EMSY: variants seen among roughly 807,000 people sequenced by gnomAD.
EMSY encodes BRCA2-interacting transcriptional repressor EMSY.
In EMSY, 26 loss-of-function variants were observed where a neutral mutation model predicts 134.6. That is an observed-to-expected ratio of 0.19 (90% CI 0.14 to 0.27). The LOEUF (loss-of-function observed/expected upper bound fraction) is 0.27. Among genes scored for constraint, EMSY ranks in the 10% least tolerant of loss-of-function variants. The pLI is 1.00. For missense variants in EMSY, 1,305 were observed against 1,611.4 expected (o/e 0.81, Z 3.26); for synonymous variants, 579 against 577.8 (o/e 1.00, Z -0.03).
intron 11 of EMSY, 30 bp downstream of exon 12, chr11:76,516,342 T>G (rs755699484): frequency 2.5e-5 from 37 of 1,481,988 alleles, no homozygotes; most frequent in Non-Finnish European, 3.3e-5. Context: ...GTTAAAGGTA[T>G]AGGTGGCCTT....
chr11:76,537,828 C>T, exon 16 of EMSY: 1 of 1,609,534 alleles, frequency 6.2e-7, no homozygotes, highest in Non-Finnish European at 8.5e-7. Context: ...CCAAGACAAC[C>T]CACTATTGAC....
chr11:76,472,983 GAATGT>G (rs1325326633), intron 8 of EMSY, 143 bp downstream of exon 9: 6 of 809,526 alleles, frequency 7.4e-6, no homozygotes, highest in Admixed American at 2.8e-5. Context: ...CCCAGTTTGA[GAATGT>G]CAAGATGGTC....
intron 14 of EMSY, among the ~76,000 whole-genome samples, chr11:76,530,795 G>T (rs977525993): frequency 2.0e-5 from 3 of 152,142 alleles, no homozygotes; most frequent in African/African-American, 7.2e-5. Flanking sequence ...TAAGATGTTG[G>T]TTGGTCTCAG....
chr11:76,514,803 C>T (rs1347665598), intron 10 of EMSY, among the ~76,000 whole-genome samples: 1 of 152,142 alleles, frequency 6.6e-6, no homozygotes, highest in Non-Finnish European at 1.5e-5. Flanking sequence ...TGTCTCTATG[C>T]AAAGCCTGTG....
At chr11:76,464,616 C>T (rs1355717637) in intron 7 of EMSY, among the ~76,000 whole-genome samples, 2 of 152,202 alleles carry the variant, frequency 1.3e-5, no homozygotes, top group Non-Finnish European at 2.9e-5. Context: ...ACCCCTCTGT[C>T]TTCCCACACT....
At chr11:76,516,239 T>C (rs992811569) in exon 11 of EMSY, 1 of 1,613,410 alleles carries the variant, frequency 6.2e-7, no homozygotes, top group Non-Finnish European at 8.5e-7. Flanking sequence ...CTACGAGTGG[T>C]AGCATCATTA....
chr11:76,474,479 G>A (rs1453121908), intron 8 of EMSY, among the ~76,000 whole-genome samples: 1 of 152,176 alleles, frequency 6.6e-6, no homozygotes, highest in African/African-American at 2.4e-5. Context: ...TAGGAAAACA[G>A]TGTCTTGATT....
At chr11:76,519,344 C>T (rs930807141) in intron 11 of EMSY, among the ~76,000 whole-genome samples, 24 of 152,110 alleles carry the variant, frequency 1.6e-4, no homozygotes, top group African/African-American at 4.6e-4. Flanking sequence ...GTATTATAGG[C>T]GTCAGTTACT....
intron 8 of EMSY, among the ~76,000 whole-genome samples, chr11:76,481,316 T>A (rs1481266832): frequency 2.6e-5 from 4 of 152,158 alleles, no homozygotes; most frequent in Non-Finnish European, 5.9e-5. Context: ...GTGCTGGTAT[T>A]ACAGGCATGA....
Position 76,546,189 on chromosome 11 carries a change from G to A in EMSY, c.3666G>A (p.Thr1222=), listed in dbSNP as rs748676552. Residue 1222 remains threonine (T), a synonymous_variant, in exon 20 of 21, where the codon ACG becomes ACA. Transcript: ENST00000334736. ...CATCCACTGTTGGCTCTTCCCTAACGACAAGGAAAATTGATCCACCAGCAG... is the reference window on the plus strand; with the variant it reads ...CATCCACTGTTGGCTCTTCCCTAACAACAAGGAAAATTGATCCACCAGCAG... 6.3e-5 allele frequency: 102 copies of A among 1,613,996 alleles called. 1 individual carries two copies. The highest frequency in any genetic ancestry group is 2.3e-4 in the South Asian group (21 of 91,080).
chr11:76,447,088 G>T, intron 2 of EMSY, 80 bp downstream of exon 2: 2 of 1,329,318 alleles, frequency 1.5e-6, no homozygotes, highest in Non-Finnish European at 2.1e-6. Context: ...TGTTTGCATG[G>T]ATGTCATATC....
exon 21 of EMSY, chr11:76,551,068 G>A (rs1420478782): frequency 6.5e-6 from 1 of 152,708 alleles, no homozygotes; most frequent in Non-Finnish European, 1.5e-5. Context: ...CATTCACATT[G>A]GACTGAGACT....
chr11:76,472,831 G>A (rs1948628455), exon 8 of EMSY: 1 of 1,613,582 alleles, frequency 6.2e-7, no homozygotes, highest in Non-Finnish European at 8.5e-7. Flanking sequence ...CATGTCAACA[G>A]TAGCACAAGG....
intron 17 of EMSY, among the ~76,000 whole-genome samples, chr11:76,541,385 A>G (rs1684767185): frequency 6.6e-6 from 1 of 152,224 alleles, no homozygotes; most frequent in African/African-American, 2.4e-5. Context: ...AGATGATAGA[A>G]CAGATTTTTC....
rs1289305722 is a variant in EMSY at position 76,513,968 on chromosome 11, A to G, written c.1513+433A>G. ...ACTCTGATGAAGTTGAGAAGAGTATATGTTACATTACAGTTTAGTAAGCGT... is the reference window on the plus strand; with the variant it reads ...ACTCTGATGAAGTTGAGAAGAGTATGTGTTACATTACAGTTTAGTAAGCGT... On this transcript the variant is annotated intron_variant, in intron 10 of 20. Transcript: ENST00000334736. 3.3e-5 allele frequency among the ~76,000 whole-genome samples: 5 copies of G among 152,150 alleles called. No individual in the cohort carries two copies. The East Asian group carries it at 9.6e-4, about 29-fold the overall frequency.
At chr11:76,454,122 CATTT>C (rs996701090) in intron 4 of EMSY, among the ~76,000 whole-genome samples, 7 of 151,952 alleles carry the variant, frequency 4.6e-5, no homozygotes, top group Non-Finnish European at 1.0e-4. Flanking sequence ...TAGTATAATT[CATTT>C]GTTTTTTATT....
chr11:76,446,313 G>A (rs202006371), intron 1 of EMSY, among the ~76,000 whole-genome samples: 2,346 of 18,716 alleles, frequency 0.13, 31 homozygotes, highest in Non-Finnish European at 0.18. Flanking sequence ...ATATATATAT[G>A]TGTGTGTGTG....
At chr11:76,544,493 C>G (rs766000874) in exon 19 of EMSY, 1 of 1,614,158 alleles carries the variant, frequency 6.2e-7, no homozygotes, top group Non-Finnish European at 8.5e-7. Context: ...GACCATCCAC[C>G]TGCAGGCAGA....
chr11:76,477,264 A>C (rs1405963560), intron 8 of EMSY, among the ~76,000 whole-genome samples: 2 of 140,994 alleles, frequency 1.4e-5, no homozygotes, highest in South Asian at 2.3e-4. Context: ...AGGTTAATTT[A>C]TTTCTGTTTT....
Sources: gnomAD v4.1 joint callset for allele counts (sites outside exome capture counted in the v4.1 genomes callset) on GRCh38, gnomAD v4.1.1 for gene constraint, MANE v1.5 for transcripts, NCBI Gene and HGNC (gene_info 2026-07-23, HGNC 2026-07-21) for gene names.